The following SPEN variants were observed in gnomAD, a reference collection of about 807,000 sequenced individuals.
The protein encoded by SPEN is spen family transcriptional repressor, also known as msx2-interacting protein.
A neutral mutation model predicts 269.9 loss-of-function variants in SPEN; 18 were observed. The observed-to-expected ratio is 0.07, with a 90% CI of 0.05 to 0.10. The LOEUF (loss-of-function observed/expected upper bound fraction) is 0.10, where lower values mean the gene tolerates loss of function less well. SPEN is among the 10% of genes least tolerant of loss of function. SPEN has a pLI of 1.00. For synonymous variants in SPEN, 1,726 were observed against 1,765.7 expected, an observed-to-expected ratio of 0.98 and a Z score of 0.56; for missense variants, 3,822 against 4,631.2, an observed-to-expected ratio of 0.83 and a Z score of 5.07.
intron 9 of SPEN, 44 bp downstream of exon 9, chr1:15,921,027 C>A: frequency 3.1e-6 from 4 of 1,309,758 alleles, no homozygotes; most frequent in Non-Finnish European, 2.2e-6. Context: ...AAGTCCTATT[C>A]AAATCTCACC....
In SPEN at chr1:15,938,017, C is replaced by A; in HGVS notation, c.10704+11C>A. On this transcript the variant is annotated intron_variant, in intron 13 of 14. Coordinates refer to ENST00000375759, the MANE Select transcript of SPEN (RefSeq NM_015001.3). ...GCCCGAAGGATGACGGTAAGACTCTCAGGCCCAGGTGAGCAACTGCCCCAC... is the reference window on the plus strand; with the variant it reads ...GCCCGAAGGATGACGGTAAGACTCTAAGGCCCAGGTGAGCAACTGCCCCAC... 6.3e-7 allele frequency: 1 copy of A among 1,589,818 alleles called. No homozygotes were observed. Among genetic ancestry groups the A allele is most frequent in the South Asian group, 1.1e-5 (1 of 88,748 alleles).
intron 1 of SPEN, among the ~76,000 whole-genome samples, chr1:15,854,586 C>G (rs1458813973): frequency 2.0e-5 from 3 of 151,914 alleles, no homozygotes; most frequent in East Asian, 1.9e-4. Context: ...CTCCCAGGTT[C>G]AAGCAATTCT....
intron 3 of SPEN, among the ~76,000 whole-genome samples, chr1:15,884,436 G>A (rs1367736171): frequency 3.9e-5 from 6 of 152,088 alleles, no homozygotes; most frequent in Non-Finnish European, 8.8e-5. Flanking sequence ...TGTCATTTTT[G>A]TAGTCTTGTG....
intron 3 of SPEN, among the ~76,000 whole-genome samples, chr1:15,897,176 T>C (rs1219646931): frequency 1.3e-5 from 2 of 152,144 alleles, no homozygotes; most frequent in African/African-American, 4.8e-5. Context: ...GAAATTAAAA[T>C]ATTGGTTACA....
chr1:15,928,590 C>T lies in SPEN; in HGVS notation c.2350C>T (p.Arg784Cys), dbSNP rs1557758293. Reference sequence around the variant, plus strand: ...GAAACTGGACAAGTCTCGTTTGGAGCGCTATACAAAAAATGAAAAGACAGA... The same window carrying T: ...GAAACTGGACAAGTCTCGTTTGGAGTGCTATACAAAAAATGAAAAGACAGA... ...YEKLDKSRLERYTKNEKTDKE... is the reference protein window; with the variant it reads ...YEKLDKSRLECYTKNEKTDKE... Residue 784 changes from arginine (R) to cysteine (C), a missense_variant, in exon 11 of 15, where the codon CGC (arginine) becomes TGC (cysteine). Transcript: ENST00000375759. This position sits in a 1 kb window ranked among gnomAD's most constrained non-coding sequence, Gnocchi z 5.7. 3 of 1,613,972 alleles carry T rather than the reference C, an allele frequency of 1.9e-6. No homozygotes were observed. The highest frequency in any genetic ancestry group is 1.7e-5 in the Admixed American group (1 of 60,002).
chr1:15,900,809 C>T (rs1425792707), intron 3 of SPEN, among the ~76,000 whole-genome samples: 1 of 151,996 alleles, frequency 6.6e-6, no homozygotes, highest in African/African-American at 2.4e-5. Flanking sequence ...CATTTGAGAC[C>T]AGAGAACTCT....
At chr1:15,859,506 C>T (rs1451016265) in intron 1 of SPEN, among the ~76,000 whole-genome samples, 3 of 151,448 alleles carry the variant, frequency 2.0e-5, no homozygotes, top group Non-Finnish European at 2.9e-5. Flanking sequence ...CACAGGTGCC[C>T]GCCACAGCCC....
At chr1:15,861,429 C>A (rs1336787688) in intron 1 of SPEN, among the ~76,000 whole-genome samples, 1 of 151,754 alleles carries the variant, frequency 6.6e-6, no homozygotes, top group Non-Finnish European at 1.5e-5. Flanking sequence ...CGTGCCTGGC[C>A]CAGATACTTT....
chr1:15,917,173 A>G (rs1356948364), intron 6 of SPEN, among the ~76,000 whole-genome samples: 3 of 152,182 alleles, frequency 2.0e-5, no homozygotes, highest in African/African-American at 7.2e-5. Context: ...TTGTGATCAC[A>G]GTGCACATCA....
chr1:15,921,290 G>T (rs796680836), intron 9 of SPEN, among the ~76,000 whole-genome samples: 1 of 152,104 alleles, frequency 6.6e-6, no homozygotes, highest in Non-Finnish European at 1.5e-5. Context: ...AGATCATGCC[G>T]TTGCACTCCA....
chr1:15,939,719 G>T lies in SPEN; in HGVS notation c.*292G>T. On this transcript the variant is annotated 3_prime_UTR_variant, in exon 15 of 15. Coordinates refer to ENST00000375759, the MANE Select transcript of SPEN (RefSeq NM_015001.3). This position sits in a 1 kb window ranked among gnomAD's most constrained non-coding sequence, Gnocchi z 4.1. ...CCTCTTTTTGGAGAAAAGGAACAGG[G>T]CAGTGGAATGAAAATTTTTTGTTTG... The T allele has an allele frequency of 3.3e-6, 1 of 304,146 alleles. No homozygotes were observed. Among genetic ancestry groups the T allele is most frequent in the East Asian group, 4.9e-5 (1 of 20,458 alleles). The allele number at this position is 304,146 out of a possible 1,614,324, so 18.8% of individuals were successfully genotyped here.
At chr1:15,910,978 A>G in intron 4 of SPEN, 123 bp from the exon 5 acceptor site, 1 of 741,588 alleles carries the variant, frequency 1.3e-6, no homozygotes, top group Non-Finnish European at 2.2e-6. Context: ...TTATGACATT[A>G]GTATATTACC....
chr1:15,916,473 A>G, intron 6 of SPEN, among the ~76,000 whole-genome samples, 194 bp downstream of exon 6: 1 of 150,014 alleles, frequency 6.7e-6, no homozygotes, highest in East Asian at 2.0e-4. Context: ...AAAATGTAAT[A>G]TATGTCCTTT....
In SPEN at chr1:15,933,235, G is replaced by T. The variant is rs764509266; in HGVS notation, c.6995G>T (p.Arg2332Leu). ...ACTCTTGTTCGGAAAGACAAAGGGC[G>T]CCAGAAAACAACCCGATCACGCCGC... ...EVTLVRKDKG[R>L]QKTTRSRRKR... The change falls in exon 11 of 15, where the codon CGC (arginine) becomes CTC (leucine). Residue 2332 changes from arginine (R) to leucine (L), a missense_variant. By Grantham distance (102) the Arg-to-Leu change is moderately radical. Coordinates refer to ENST00000375759, the MANE Select transcript of SPEN (RefSeq NM_015001.3). The surrounding 1 kb of genome is among the most constrained non-coding windows in gnomAD (Gnocchi z 5.7). The T allele has an allele frequency of 3.1e-6, 5 of 1,614,128 alleles. No homozygotes were observed. Among genetic ancestry groups the T allele is most frequent in the South Asian group, 1.1e-5 (1 of 91,082 alleles).
At position 15,936,164 on chromosome 1, in the gene SPEN, C is replaced by T. The variant is rs779804838; in HGVS notation, c.9924C>T (p.Tyr3308=). The change falls in exon 11 of 15, where the codon TAC becomes TAT. Residue 3308 remains tyrosine, a synonymous_variant. Transcript: ENST00000375759. ...SSGELFQEYR[Y]GDIRTYHPPA... ...GGGAGCTGTTTCAAGAGTACCGGTA[C>T]GGCGACATCCGCACCTACCACCCCC... The T allele has an allele frequency of 1.7e-5, 28 of 1,608,988 alleles. No individual in the cohort carries two copies. Among genetic ancestry groups the T allele is most frequent in the Admixed American group, 8.4e-5 (5 of 59,758 alleles).
At position 15,860,378 on chromosome 1, in the gene SPEN, G is replaced by GGTGTGTGTGTGTGTGTGTGTGTGTGT. The variant is rs60005872; in HGVS notation, c.83+12243_83+12268dup. ...TCTCAGCCTCCCAAGTAGCTTCAGA[G>GGTGTGTGTGTGTGTGTGTGTGTGTGT]GTGTGTGTGTGTGTGTGTGTGTGTG... On this transcript the variant is annotated intron_variant, in intron 1 of 14. Coordinates refer to ENST00000375759, the MANE Select transcript of SPEN (RefSeq NM_015001.3). 2.5e-5 allele frequency among the ~76,000 whole-genome samples: 3 copies of GGTGTGTGTGTGTGTGTGTGTGTGTGT among 121,162 alleles called. No homozygotes were observed. In the Admixed American group the frequency reaches 2.7e-4, roughly 11 times the overall value. 79.5% of individuals were successfully genotyped at this position (121,162 alleles called of 152,430 possible).
chr1:15,876,467 A>G lies in SPEN; in HGVS notation c.670A>G (p.Ile224Val). The change falls in exon 3 of 15, where the codon ATT becomes GTT. Residue 224 changes from isoleucine to valine, a missense_variant. This residue lies in a region of SPEN where 327 missense variants were observed against 350.8 expected (regional missense o/e 0.93). Transcript: ENST00000375759. Reference sequence around the variant, plus strand: ...ACACAGGGATATCTACAGGGATGATATTACCCGGGAGGTACGAGGCAGAAG... The same window carrying G: ...ACACAGGGATATCTACAGGGATGATGTTACCCGGGAGGTACGAGGCAGAAG... ...VVHRDIYRDDITREVRGRRPE... is the reference protein window; with the variant it reads ...VVHRDIYRDDVTREVRGRRPE... 3.7e-6 allele frequency: 6 copies of G among 1,614,122 alleles called. No homozygotes were observed. The highest frequency in any genetic ancestry group is 5.1e-6 in the Non-Finnish European group (6 of 1,180,018).
rs200842987 is a variant in SPEN at position 15,894,537 on chromosome 1, T to G, written c.882-14784T>G. Among the ~76,000 whole-genome samples, 82 of 116,844 alleles carry G rather than the reference T, an allele frequency of 7.0e-4. 2 individuals are homozygous for G. Among genetic ancestry groups the G allele is most frequent in the South Asian group, 2.4e-3 (8 of 3,378 alleles). The allele number at this position is 116,844 out of a possible 152,430, so 76.7% of individuals were successfully genotyped here. On this transcript the variant is annotated intron_variant, in intron 3 of 14. Coordinates refer to ENST00000375759, the MANE Select transcript of SPEN (RefSeq NM_015001.3). ...TCCTAAAACTACCATATTATGGTTG[T>G]TTTTTTTTTTTTTTTTTTTTTTGAG...
chr1:15,930,121 TC>T lies in SPEN; in HGVS notation c.3883del (p.Leu1295SerfsTer6). The T allele has an allele frequency of 6.2e-7, 1 of 1,614,122 alleles. No individual in the cohort carries two copies. The highest frequency in any genetic ancestry group is 8.5e-7 in the Non-Finnish European group (1 of 1,180,024). On this transcript the variant is annotated frameshift_variant, in exon 11 of 15. Coordinates refer to ENST00000375759, the MANE Select transcript of SPEN (RefSeq NM_015001.3). LOFTEE classifies it high-confidence loss of function. This position sits in a 1 kb window ranked among gnomAD's most constrained non-coding sequence, Gnocchi z 5.3. ...VKGSPKVDEKVLPYSNITVRE... is the reference protein window; with the variant it reads ...VKGSPKVDEKXLPYSNITVRE... ...GGGTCTCCTAAAGTAGATGAAAAAG[TC>T]CTCCCCTATTCTAACATAACAGTCA...
Sources: allele counts gnomAD v4.1 joint callset (sites outside exome capture counted in the v4.1 genomes callset), GRCh38; gene constraint gnomAD v4.1.1; regional missense constraint gnomAD v4.1.1; non-coding constraint Gnocchi (gnomAD v3.1); transcripts MANE v1.5; gene names NCBI Gene and HGNC (gene_info 2026-07-23, HGNC 2026-07-21).